Variants in TEAD1 observed in about 807,000 individuals in gnomAD.
TEAD1 encodes the protein TEA domain transcription factor 1.
TEAD1 carries 9 observed loss-of-function variants against 54.9 expected under a neutral mutation model. The observed-to-expected ratio is 0.16, with a 90% CI of 0.10 to 0.29. TEAD1 has a LOEUF of 0.29. Ranked by LOEUF, TEAD1 falls within the 10% of genes least tolerant of loss-of-function variation. The pLI is 1.00. For missense variants in TEAD1, 387 were observed against 535.9 expected (o/e 0.72, Z 2.74); for synonymous variants, 200 against 187.8 (o/e 1.07, Z -0.53).
chr11:12,789,547 C>G (rs1287900371), intron 3 of TEAD1, among the ~76,000 whole-genome samples: 2 of 152,164 alleles, frequency 1.3e-5, no homozygotes, highest in Non-Finnish European at 2.9e-5. Context: ...AGGGAGCAGA[C>G]AAGAAAGAGT....
intron 3 of TEAD1, among the ~76,000 whole-genome samples, chr11:12,832,832 T>C (rs1212179027): frequency 2.0e-5 from 3 of 151,972 alleles, no homozygotes; most frequent in East Asian, 1.9e-4. Flanking sequence ...TCCTAAGAAA[T>C]TGAAAATATT....
chr11:12,761,047 G>A (rs1945093131), intron 2 of TEAD1, among the ~76,000 whole-genome samples: 5 of 152,272 alleles, frequency 3.3e-5, no homozygotes, highest in African/African-American at 2.4e-5. Context: ...TCTAGTTGAC[G>A]AAAAATGGCA....
intron 10 of TEAD1, among the ~76,000 whole-genome samples, chr11:12,906,008 C>T (rs190241575): frequency 6.6e-6 from 1 of 152,212 alleles, no homozygotes; most frequent in East Asian, 1.9e-4. Context: ...AAGTAGTAGT[C>T]ACTCCACTGA....
At chr11:12,928,099 A>G (rs1230046430) in intron 11 of TEAD1, among the ~76,000 whole-genome samples, 3 of 152,158 alleles carry the variant, frequency 2.0e-5, no homozygotes, top group East Asian at 1.9e-4. Flanking sequence ...CTGTTGCTAT[A>G]TGATTTTTCT....
In TEAD1 at chr11:12,944,282, C is replaced by T. The variant is rs1224699437; in HGVS notation, c.*7060C>T. 6.6e-6 allele frequency: 1 copy of T among 152,572 alleles called. No individual in the cohort carries two copies. Among genetic ancestry groups the T allele is most frequent in the African/African-American group, 2.4e-5 (1 of 41,430 alleles). 9.5% of individuals were successfully genotyped at this position (152,572 alleles called of 1,614,324 possible). On this transcript the variant is annotated 3_prime_UTR_variant, in exon 13 of 13. Coordinates refer to ENST00000527636, the MANE Select transcript of TEAD1 (RefSeq NM_021961.6). Reference sequence around the variant, plus strand: ...CACACATGTTTTCTTAACCTATTTGCAGAAACTTTCAAAAGGCATTTGATT... The same window carrying T: ...CACACATGTTTTCTTAACCTATTTGTAGAAACTTTCAAAAGGCATTTGATT...
At chr11:12,892,265 A>G (rs973758654) in intron 9 of TEAD1, among the ~76,000 whole-genome samples, 13 of 152,182 alleles carry the variant, frequency 8.5e-5, no homozygotes, top group African/African-American at 3.1e-4. Flanking sequence ...CTCTAAGGAA[A>G]TATGACATTA....
At chr11:12,678,802 A>G (rs566388157) in intron 2 of TEAD1, among the ~76,000 whole-genome samples, 8 of 152,304 alleles carry the variant, frequency 5.3e-5, no homozygotes, top group African/African-American at 1.9e-4. Flanking sequence ...GATTCTCATT[A>G]TGAGCTTCGT....
chr11:12,916,644 C>T (rs1222872730), intron 10 of TEAD1, among the ~76,000 whole-genome samples: 2 of 152,172 alleles, frequency 1.3e-5, no homozygotes, highest in Admixed American at 6.5e-5. Context: ...AAGCGAGACC[C>T]AAAAAGTGAT....
chr11:12,826,719 A>G (rs1946664810), intron 3 of TEAD1, among the ~76,000 whole-genome samples: 1 of 152,360 alleles, frequency 6.6e-6, no homozygotes, highest in Admixed American at 6.5e-5. Context: ...TGAGCATCAA[A>G]TGAAAAAATG....
intron 9 of TEAD1, among the ~76,000 whole-genome samples, chr11:12,890,708 C>T (rs1258380382): frequency 1.3e-5 from 2 of 152,170 alleles, no homozygotes; most frequent in Non-Finnish European, 2.9e-5. Context: ...ATCAAGCTTG[C>T]GAGAATGTGC....
At position 12,700,662 on chromosome 11, in the gene TEAD1, T is replaced by C. The variant is rs187972818; in HGVS notation, c.-55+25101T>C. Among the ~76,000 whole-genome samples the C allele has an allele frequency of 6.0e-4, 91 of 152,328 alleles. 1 individual carries two copies. The highest frequency in any genetic ancestry group is 2.0e-3 in the African/African-American group (84 of 41,590). On this transcript the variant is annotated intron_variant, in intron 2 of 12. Coordinates refer to ENST00000527636, the MANE Select transcript of TEAD1 (RefSeq NM_021961.6). ...CTTCTTAACTCTCATTTATTTTCCC[T>C]CACCGTGGTATGAGAAGTGTGGGAT...
chr11:12,929,802 C>T (rs1246269608), intron 11 of TEAD1, among the ~76,000 whole-genome samples: 1 of 152,120 alleles, frequency 6.6e-6, no homozygotes, highest in Non-Finnish European at 1.5e-5. Context: ...GAGGCTTTAT[C>T]ACAATAAAGA....
chr11:12,865,108 CGT>C lies in TEAD1; in HGVS notation c.330+218_330+219del, dbSNP rs561068078. Reference sequence around the variant, plus strand: ...GTGTGTGAGCGCGTGTGTGTGTTTGCGTGTGTGTGTGCGTGTGTATGTGTGTG... The same window carrying C: ...GTGTGTGAGCGCGTGTGTGTGTTTGCGTGTGTGTGCGTGTGTATGTGTGTG... On this transcript the variant is annotated intron_variant, in intron 5 of 12. Transcript: ENST00000527636. 329 of 643,692 alleles carry C rather than the reference CGT, an allele frequency of 5.1e-4. No homozygotes were observed. In the East Asian group the frequency reaches 5.6e-3, roughly 11 times the overall value. The allele number at this position is 643,692 out of a possible 1,614,324, so 39.9% of individuals were successfully genotyped here.
intron 2 of TEAD1, among the ~76,000 whole-genome samples, 184 bp downstream of exon 2, chr11:12,675,745 T>C (rs1943071018): frequency 1.3e-5 from 2 of 152,374 alleles, no homozygotes; most frequent in South Asian, 4.1e-4. Context: ...ATAACTTTTG[T>C]ATTTTTAAAA....
intron 3 of TEAD1, among the ~76,000 whole-genome samples, chr11:12,779,712 T>C (rs1258166594): frequency 2.0e-5 from 3 of 152,044 alleles, no homozygotes; most frequent in Non-Finnish European, 4.4e-5. Flanking sequence ...CAGCAACATA[T>C]AAAAAGGTTA....
chr11:12,923,292 C>T (rs1429627331), intron 10 of TEAD1, among the ~76,000 whole-genome samples: 4 of 152,258 alleles, frequency 2.6e-5, no homozygotes, highest in African/African-American at 7.2e-5. Flanking sequence ...TCTGTGCCCT[C>T]TTCTCTCTTA....
chr11:12,723,358 C>G (rs542675832), intron 2 of TEAD1, among the ~76,000 whole-genome samples: 3 of 152,266 alleles, frequency 2.0e-5, no homozygotes, highest in South Asian at 4.2e-4. Flanking sequence ...CAGTCAGGAC[C>G]TAGCTGTGGT....
intron 3 of TEAD1, among the ~76,000 whole-genome samples, chr11:12,824,854 C>T (rs376126055): frequency 3.9e-5 from 6 of 152,196 alleles, no homozygotes; most frequent in African/African-American, 9.7e-5. Flanking sequence ...CAGTCTCTCC[C>T]GGACTGTTGC....
rs374492514 is a variant in TEAD1, at chr11:12,821,593, C to A, written c.203-40657C>A. Among the ~76,000 whole-genome samples, 6 of 152,234 alleles carry A rather than the reference C, an allele frequency of 3.9e-5. No homozygotes were observed. The South Asian group carries it at 6.2e-4, about 16-fold the overall frequency. ...CTGAGCATGCAGTCGGAAACTATGA[C>A]CTCTTCTGGAGGACCATGACTTTTA... On this transcript the variant is annotated intron_variant, in intron 3 of 12. Transcript: ENST00000527636.
Sources: allele counts gnomAD v4.1 joint callset (sites outside exome capture counted in the v4.1 genomes callset), GRCh38; gene constraint gnomAD v4.1.1; transcripts MANE v1.5; gene names NCBI Gene and HGNC (gene_info 2026-07-23, HGNC 2026-07-21).